CDK2AP1: variants seen among roughly 807,000 people sequenced by gnomAD.
CDK2AP1 encodes cyclin-dependent kinase 2-associated protein 1.
In CDK2AP1, 10 loss-of-function variants were observed where a neutral mutation model predicts 14.1. The observed-to-expected ratio is 0.71, with a 90% CI of 0.44 to 1.20. The LOEUF is 1.20. Among genes scored for constraint, CDK2AP1 ranks in the 50% most tolerant of loss-of-function variants. The pLI is 0.00. For synonymous variants in CDK2AP1, 59 were observed against 59.8 expected (o/e 0.99, Z 0.06); for missense variants, 102 against 149.9 (o/e 0.68, Z 1.67).
chr12:123,267,439 G>C, intron 1 of CDK2AP1, 157 bp from the exon 2 acceptor site: 1 of 598,950 alleles, frequency 1.7e-6, no homozygotes, highest in South Asian at 1.9e-5. Context: ...CAGCATATAA[G>C]ATGGATAATG....
intron 3 of CDK2AP1, among the ~76,000 whole-genome samples, chr12:123,264,221 G>A (rs1415249520): frequency 9.9e-5 from 15 of 152,154 alleles, no homozygotes; most frequent in Non-Finnish European, 1.6e-4. Flanking sequence ...CACTTTGGGA[G>A]GCCAAGGCAG....
chr12:123,265,813 C>T lies in CDK2AP1; in HGVS notation c.154-491G>A, dbSNP rs942477795. Among the ~76,000 whole-genome samples the T allele has an allele frequency of 2.6e-5, 4 of 152,158 alleles. No homozygotes were observed. The highest frequency in any genetic ancestry group is 9.7e-5 in the African/African-American group (4 of 41,420). On this transcript the variant is annotated intron_variant, in intron 2 of 3. Coordinates refer to ENST00000261692, the MANE Select transcript of CDK2AP1 (RefSeq NM_004642.4). The surrounding 1 kb of genome is among the most constrained non-coding windows in gnomAD (Gnocchi z 5.3). ...GCACAAAAGAGTCCAAACAGCATTT[C>T]CCAGGATGCAGATGGATGGGAGGGC...
intron 1 of CDK2AP1, chr12:123,267,911 C>T (rs2048313358): frequency 6.5e-6 from 1 of 154,290 alleles, no homozygotes; most frequent in Non-Finnish European, 1.4e-5. Flanking sequence ...GGGGACCAGA[C>T]TCTTAGCAGT....
intron 1 of CDK2AP1, among the ~76,000 whole-genome samples, chr12:123,268,522 C>T (rs1475341183): frequency 6.6e-6 from 1 of 152,242 alleles, no homozygotes; most frequent in Admixed American, 6.5e-5. Context: ...GGGACCGTTC[C>T]GAGCTGTCTC....
intron 3 of CDK2AP1, among the ~76,000 whole-genome samples, chr12:123,262,777 T>G (rs1312029391): frequency 6.6e-6 from 1 of 152,186 alleles, no homozygotes; most frequent in Non-Finnish European, 1.5e-5. Flanking sequence ...AGTTTCACTA[T>G]GTTGCTCCTG....
intron 3 of CDK2AP1, among the ~76,000 whole-genome samples, chr12:123,264,320 T>C (rs1364264902): frequency 6.6e-6 from 1 of 150,454 alleles, no homozygotes; most frequent in East Asian, 2.0e-4. Context: ...ATTAGACAGG[T>C]GTGGTGGCAC....
At position 123,271,834 on chromosome 12, in the gene CDK2AP1, G is replaced by GCGCAGGGGCGGC. The variant is rs2048356929; in HGVS notation, c.-228_-217dup. On this transcript the variant is annotated 5_prime_UTR_variant, in exon 1 of 4. Coordinates refer to ENST00000261692, the MANE Select transcript of CDK2AP1 (RefSeq NM_004642.4). ...CAGTCTCACCCAGGCCCCGGGTGCG[G>GCGCAGGGGCGGC]CGCAGGGGCGGCCGCAAACTTTCCG... 6.8e-6 allele frequency: 1 copy of GCGCAGGGGCGGC among 146,504 alleles called. No individual in the cohort carries two copies. Among genetic ancestry groups the GCGCAGGGGCGGC allele is most frequent in the African/African-American group, 2.4e-5 (1 of 40,830 alleles). The allele number at this position is 146,504 out of a possible 1,614,324, so 9.1% of individuals were successfully genotyped here. A position where few individuals can be genotyped will look rare whatever the true frequency, so the allele number is the denominator to read the frequency against.
At chr12:123,271,502 G>C in intron 1 of CDK2AP1, 62 bp downstream of exon 1, 2 of 950,952 alleles carry the variant, frequency 2.1e-6, no homozygotes, top group Non-Finnish European at 2.5e-6. Flanking sequence ...CCCGGGCCGG[G>C]GCCGGGCGCG....
At chr12:123,264,732 T>C (rs2048271271) in intron 3 of CDK2AP1, among the ~76,000 whole-genome samples, 1 of 152,012 alleles carries the variant, frequency 6.6e-6, no homozygotes, top group Non-Finnish European at 1.5e-5. Flanking sequence ...GCTCTCAGCC[T>C]CCCTCCCCAG....
chr12:123,271,016 C>A, intron 1 of CDK2AP1: 1 of 966,654 alleles, frequency 1.0e-6, no homozygotes, highest in Non-Finnish European at 1.2e-6. Flanking sequence ...GGCCCCGCGA[C>A]CTCAGGGCCC....
chr12:123,264,636 A>G (rs2048270392), intron 3 of CDK2AP1, among the ~76,000 whole-genome samples: 1 of 152,100 alleles, frequency 6.6e-6, no homozygotes, highest in African/African-American at 2.4e-5. Flanking sequence ...TTTCGAAATC[A>G]GACGGACAGT....
intron 3 of CDK2AP1, among the ~76,000 whole-genome samples, chr12:123,263,040 C>T (rs2048248947): frequency 6.6e-6 from 1 of 151,746 alleles, no homozygotes; most frequent in Admixed American, 6.6e-5. Flanking sequence ...ATGGTACAAC[C>T]CCATCTCTAC....
intron 2 of CDK2AP1, among the ~76,000 whole-genome samples, chr12:123,266,432 A>T (rs969144960): frequency 6.6e-6 from 1 of 152,166 alleles, no homozygotes; most frequent in Admixed American, 6.5e-5. Flanking sequence ...ATGGCCGGGG[A>T]GCCGCCCACT....
intron 3 of CDK2AP1, among the ~76,000 whole-genome samples, chr12:123,264,659 C>G (rs996754785): frequency 1.3e-5 from 2 of 152,034 alleles, no homozygotes; most frequent in African/African-American, 2.4e-5. Flanking sequence ...CACCTTAACA[C>G]GAGTCCCTTG....
In CDK2AP1 at chr12:123,265,139, T is replaced by G. The variant is rs2048276649; in HGVS notation, c.280+57A>C. 1 of 1,604,790 alleles carries G rather than the reference T, an allele frequency of 6.2e-7. No homozygotes were observed. Among genetic ancestry groups the G allele is most frequent in the Non-Finnish European group, 8.5e-7 (1 of 1,173,662 alleles). On this transcript the variant is annotated intron_variant, in intron 3 of 3. Transcript: ENST00000261692. This position sits in a 1 kb window ranked among gnomAD's most constrained non-coding sequence, Gnocchi z 5.3. ...TTCCCACATTTTCCCCAAAAGTCTT[T>G]CCAGAGTTAAAGGTCTAGCACTGTG...
intron 3 of CDK2AP1, among the ~76,000 whole-genome samples, chr12:123,263,227 C>CA (rs1050949603): frequency 3.7e-4 from 53 of 141,834 alleles, no homozygotes; most frequent in African/African-American, 1.2e-3. Context: ...AAAAAAAAAA[C>CA]AAAAAAAAAC....
chr12:123,264,490 AAG>A (rs1566003320), intron 3 of CDK2AP1, among the ~76,000 whole-genome samples: 5 of 117,812 alleles, frequency 4.2e-5, no homozygotes, highest in Non-Finnish European at 1.0e-4. Context: ...AAAAAAAAAA[AAG>A]AGCCCCAAGT....
intron 1 of CDK2AP1, among the ~76,000 whole-genome samples, chr12:123,270,423 CA>C (rs2048343846): frequency 6.6e-6 from 1 of 152,112 alleles, no homozygotes; most frequent in Non-Finnish European, 1.5e-5. Context: ...CGTTTGCAAA[CA>C]AGGCCCAAAA....
Position 123,265,299 on chromosome 12 carries a change from G to T in CDK2AP1, c.177C>A (p.Pro59=). ...CCAGCAGCTCCGCGTATTTGCTTTG[G>T]GGCACCTGGCTGTTCCCAGTTCCCT... ...YTQGTGNSQV[P]QSKYAELLAI... is the part of the protein sequence containing the mutation. The change falls in exon 3 of 4, where the codon CCC becomes CCA. Residue 59 remains proline (P), a synonymous_variant. Coordinates refer to ENST00000261692, the MANE Select transcript of CDK2AP1 (RefSeq NM_004642.4). This position sits in a 1 kb window ranked among gnomAD's most constrained non-coding sequence, Gnocchi z 5.3. 3 of 1,614,090 alleles carry T rather than the reference G, an allele frequency of 1.9e-6. No homozygotes were observed. Among genetic ancestry groups the T allele is most frequent in the Non-Finnish European group, 2.5e-6 (3 of 1,180,024 alleles).
Sources: allele counts gnomAD v4.1 joint callset (sites outside exome capture counted in the v4.1 genomes callset), GRCh38; gene constraint gnomAD v4.1.1; non-coding constraint Gnocchi (gnomAD v3.1); transcripts MANE v1.5; gene names NCBI Gene and HGNC (gene_info 2026-07-23, HGNC 2026-07-21).